The following LIPA variants were observed in gnomAD, a reference collection of about 807,000 sequenced individuals.
The protein encoded by LIPA is lysosomal acid lipase/cholesteryl ester hydrolase.
In LIPA, 26 loss-of-function variants were observed where a neutral mutation model predicts 40.6. The ratio of observed to expected loss-of-function variants is 0.64; its 90% confidence interval spans 0.47 to 0.89. The LOEUF (loss-of-function observed/expected upper bound fraction) is 0.89. Among genes scored for constraint, LIPA ranks in the 40% least tolerant of loss-of-function variants. LIPA has a pLI of 0.00. For missense variants in LIPA, 455 were observed against 479.6 expected (o/e 0.95, Z 0.48); for synonymous variants, 188 against 168.4 (o/e 1.12, Z -0.90).
intron 2 of LIPA, among the ~76,000 whole-genome samples, chr10:89,411,705 C>T (rs1841470479): frequency 6.6e-6 from 1 of 152,230 alleles, no homozygotes; most frequent in Non-Finnish European, 1.5e-5. Flanking sequence ...CCTAGACCTC[C>T]TCACTGCTGA....
intron 1 of LIPA, among the ~76,000 whole-genome samples, chr10:89,274,204 T>C (rs1158351358): frequency 6.6e-6 from 1 of 152,198 alleles, no homozygotes; most frequent in Non-Finnish European, 1.5e-5. Flanking sequence ...ACATTTCCTG[T>C]GAGATATAAT....
At chr10:89,325,195 T>G (rs755125816) in intron 1 of LIPA, among the ~76,000 whole-genome samples, 1 of 152,164 alleles carries the variant, frequency 6.6e-6, no homozygotes, top group Non-Finnish European at 1.5e-5. Context: ...ATGACTATTA[T>G]TAAAAAGTCA....
chr10:89,333,886 A>G (rs1356055961), intron 1 of LIPA, among the ~76,000 whole-genome samples: 1 of 152,164 alleles, frequency 6.6e-6, no homozygotes, highest in African/African-American at 2.4e-5. Flanking sequence ...AGATCTCCAG[A>G]TGTTTGTGTC....
chr10:89,410,532 G>A (rs773372011), intron 2 of LIPA, among the ~76,000 whole-genome samples: 4 of 152,322 alleles, frequency 2.6e-5, no homozygotes, highest in Admixed American at 1.3e-4. Flanking sequence ...CATATTTAGC[G>A]ATGTAACCAT....
At chr10:89,240,236 T>C (rs980143008) in intron 3 of LIPA, among the ~76,000 whole-genome samples, 2 of 152,188 alleles carry the variant, frequency 1.3e-5, no homozygotes, top group African/African-American at 2.4e-5. Flanking sequence ...ATCCCTGTCA[T>C]GGAGGGCTTA....
chr10:89,304,483 T>C (rs917959944), intron 1 of LIPA, among the ~76,000 whole-genome samples: 3 of 152,166 alleles, frequency 2.0e-5, no homozygotes, highest in African/African-American at 4.8e-5. Flanking sequence ...TCTAGACATA[T>C]GTTTCATAAG....
chr10:89,229,403 T>C (rs1842811304), intron 3 of LIPA, among the ~76,000 whole-genome samples: 1 of 152,178 alleles, frequency 6.6e-6, no homozygotes, highest in Non-Finnish European at 1.5e-5. Context: ...ACTATAGAGG[T>C]AGACACATGC....
At chr10:89,372,141 G>C (rs1315400780) in intron 2 of LIPA, among the ~76,000 whole-genome samples, 1 of 152,202 alleles carries the variant, frequency 6.6e-6, no homozygotes, top group Non-Finnish European at 1.5e-5. Flanking sequence ...GTAGTCAGCT[G>C]GCAGTTTCAC....
At chr10:89,402,718 C>A in intron 2 of LIPA, 1 of 1,614,164 alleles carries the variant, frequency 6.2e-7, no homozygotes, top group Non-Finnish European at 8.5e-7. Context: ...GAAGGATGGG[C>A]CTTGCTGAAG....
In LIPA at chr10:89,274,819, C is replaced by G. The variant is rs537891492; in HGVS notation, c.-1-27170G>C. Among the ~76,000 whole-genome samples the G allele has an allele frequency of 2.0e-5, 3 of 152,268 alleles. No homozygotes were observed. In the South Asian group the frequency reaches 6.2e-4, roughly 32 times the overall value. ...GACAGACTTTATTGGAGTTTTCTTC[C>G]TCCTATAACACACAAAGATGCAGAA... On this transcript the variant is annotated intron_variant, in intron 1 of 5. Coordinates refer to the LIPA transcript ENST00000282673.
At chr10:89,406,769 A>G (rs1384593972) in intron 2 of LIPA, among the ~76,000 whole-genome samples, 1 of 152,174 alleles carries the variant, frequency 6.6e-6, no homozygotes, top group Non-Finnish European at 1.5e-5. Flanking sequence ...ACTCACTGTG[A>G]GGGTCCGCAG....
chr10:89,362,842 C>G, intron 2 of LIPA: 1 of 353,654 alleles, frequency 2.8e-6, no homozygotes, highest in South Asian at 7.5e-5. Context: ...GAATTCAGCA[C>G]TGGGTATGTC....
chr10:89,256,230 G>A (rs190999297), upstream of LIPA, among the ~76,000 whole-genome samples: 24 of 152,340 alleles, frequency 1.6e-4, no homozygotes, highest in East Asian at 3.5e-3. Context: ...GAACAAAAAG[G>A]AGAAGATTGG....
chr10:89,367,030 A>G (rs1280894563), intron 2 of LIPA, among the ~76,000 whole-genome samples: 1 of 152,240 alleles, frequency 6.6e-6, no homozygotes, highest in Non-Finnish European at 1.5e-5. Flanking sequence ...TCTTAGGGAC[A>G]TGGATGAAGC....
chr10:89,382,390 T>C (rs907640895), intron 2 of LIPA, among the ~76,000 whole-genome samples: 1 of 152,252 alleles, frequency 6.6e-6, no homozygotes, highest in Non-Finnish European at 1.5e-5. Context: ...TTTCTTTTTC[T>C]TCCTTCATGT....
rs552259098 is a variant in LIPA at position 89,223,067 on chromosome 10, A to G, written c.823-485T>C. Among the ~76,000 whole-genome samples the G allele has an allele frequency of 9.8e-5, 15 of 152,360 alleles. No homozygotes were observed. In the South Asian group the frequency reaches 3.1e-3, roughly 32 times the overall value. ...ATTTTATAAAATAAAATGGGTTTAC[A>G]TTTTATAAAATGTACTTTTATAAAT... On this transcript the variant is annotated intron_variant, in intron 7 of 9. Transcript: ENST00000336233.
intron 2 of LIPA, among the ~76,000 whole-genome samples, chr10:89,410,914 CAGAG>C (rs771176603): frequency 2.0e-5 from 3 of 151,648 alleles, no homozygotes; most frequent in South Asian, 2.1e-4. Context: ...GACAGAAAGT[CAGAG>C]AGAGAGAGAC....
At chr10:89,225,786 G>C (rs1309333441) in intron 5 of LIPA, among the ~76,000 whole-genome samples, 1 of 152,186 alleles carries the variant, frequency 6.6e-6, no homozygotes. Flanking sequence ...CCTGGTGGGA[G>C]ATAATTGAAT....
At chr10:89,220,060 T>C (rs1030151296) in intron 8 of LIPA, among the ~76,000 whole-genome samples, 7 of 152,196 alleles carry the variant, frequency 4.6e-5, no homozygotes, top group African/African-American at 1.7e-4. Context: ...ATCCAATGTC[T>C]CTACTGCAAA....
Sources: allele counts gnomAD v4.1 joint callset (sites outside exome capture counted in the v4.1 genomes callset), GRCh38; gene constraint gnomAD v4.1.1; transcripts MANE v1.5; gene names NCBI Gene and HGNC (gene_info 2026-07-23, HGNC 2026-07-21).